ODF2: variants seen among roughly 807,000 people sequenced by gnomAD.
The protein encoded by ODF2 is outer dense fiber protein 2.
ODF2 carries 47 observed loss-of-function variants against 110.2 expected under a neutral mutation model. The ratio of observed to expected loss-of-function variants is 0.43; its 90% CI spans 0.34 to 0.54. The LOEUF is 0.54. Among genes scored for constraint, ODF2 ranks in the 20% least tolerant of loss-of-function variants. The pLI is 0.03. For missense variants in ODF2, 812 were observed against 1,054.5 expected, an observed-to-expected ratio of 0.77 and a Z score of 3.19; for synonymous variants, 352 against 397.7, an observed-to-expected ratio of 0.89 and a Z score of 1.37.
At chr9:128,460,171 G>A in intron 3 of ODF2, 1 of 1,299,658 alleles carries the variant, frequency 7.7e-7, no homozygotes, top group Non-Finnish European at 1.0e-6. Flanking sequence ...AGATCACTGT[G>A]TAGAAGGATC....
chr9:128,466,424 G>T (rs1308205101), intron 4 of ODF2, among the ~76,000 whole-genome samples: 2 of 150,250 alleles, frequency 1.3e-5, no homozygotes, highest in Non-Finnish European at 2.9e-5. Flanking sequence ...CCAAAGTTGT[G>T]CTACTGCACT....
At chr9:128,461,984 C>T (rs974299214) in intron 4 of ODF2, among the ~76,000 whole-genome samples, 7 of 152,076 alleles carry the variant, frequency 4.6e-5, no homozygotes, top group African/African-American at 1.7e-4. Flanking sequence ...TGCTGCCTTA[C>T]ATTTTTTACT....
chr9:128,466,554 G>GT (rs1467833690), intron 4 of ODF2, among the ~76,000 whole-genome samples: 1 of 151,278 alleles, frequency 6.6e-6, no homozygotes, highest in Non-Finnish European at 1.5e-5. Flanking sequence ...AGGTACCTGT[G>GT]TAACGATCAC....
chr9:128,457,053 G>A (rs1196276524), intron 1 of ODF2: 1 of 1,303,678 alleles, frequency 7.7e-7, no homozygotes, highest in Non-Finnish European at 9.9e-7. Context: ...CGGCGCCTCA[G>A]GTTTCCCCCG....
At chr9:128,466,838 A>G (rs1366968015) in intron 4 of ODF2, among the ~76,000 whole-genome samples, 11 of 147,734 alleles carry the variant, frequency 7.4e-5, no homozygotes, top group Admixed American at 2.7e-4. Context: ...TTAGCCGGGC[A>G]TGGTGGCGGG....
At position 128,478,733 on chromosome 9, in the gene ODF2, G is replaced by C. The variant is rs551468973; in HGVS notation, c.844-2847G>C. On this transcript the variant is annotated intron_variant, in intron 8 of 20. Coordinates refer to ENST00000604420, the Ensembl canonical transcript of ODF2. ...TAATTTGAATTCCCACCCAAAAGTG[G>C]TGTTTTGTGCTTTGTCCAGGCTCAG... Among the ~76,000 whole-genome samples, 9 of 152,262 alleles carry C rather than the reference G, an allele frequency of 5.9e-5. No individual in the cohort carries two copies. In the East Asian group the frequency reaches 1.7e-3, roughly 29 times the overall value.
chr9:128,488,439 A>G (rs1029093580), intron 14 of ODF2, among the ~76,000 whole-genome samples: 5 of 152,080 alleles, frequency 3.3e-5, no homozygotes, highest in African/African-American at 1.2e-4. Context: ...AAGAAAAGAA[A>G]GCCTGGATTC....
chr9:128,480,284 A>G (rs866309353), intron 8 of ODF2, among the ~76,000 whole-genome samples: 1 of 152,218 alleles, frequency 6.6e-6, no homozygotes, highest in Non-Finnish European at 1.5e-5. Context: ...CAGAAGTAGT[A>G]TACATTTTAA....
intron 9 of ODF2, among the ~76,000 whole-genome samples, chr9:128,482,509 A>G (rs113038837): frequency 1.0e-3 from 154 of 152,210 alleles, no homozygotes; most frequent in African/African-American, 3.6e-3. Flanking sequence ...ATGAGTTTCA[A>G]TGTGCATTAA....
chr9:128,500,330 C>T, exon 21 of ODF2: 1 of 1,485,616 alleles, frequency 6.7e-7, no homozygotes, highest in Non-Finnish European at 9.3e-7. Context: ...GCTGAGAAGC[C>T]TGGTGGTTTT....
chr9:128,490,942 T>A (rs1398356181), intron 14 of ODF2, among the ~76,000 whole-genome samples: 2 of 152,186 alleles, frequency 1.3e-5, no homozygotes, highest in Non-Finnish European at 2.9e-5. Context: ...TTATTTATTT[T>A]TAAAATTTCC....
At chr9:128,484,836 G>A (rs1008126433) in exon 12 of ODF2, 14 of 1,613,950 alleles carry the variant, frequency 8.7e-6, no homozygotes, top group East Asian at 4.5e-5. Flanking sequence ...GGAGCGAGCC[G>A]AGAAGAGCGA....
In ODF2 at chr9:128,494,203, A is replaced by G. The variant is rs1329659723; in HGVS notation, c.1753-307A>G. Among the ~76,000 whole-genome samples, 1 of 152,194 alleles carries G rather than the reference A, an allele frequency of 6.6e-6. No individual in the cohort carries two copies. Among genetic ancestry groups the G allele is most frequent in the East Asian group, 1.9e-4 (1 of 5,204 alleles). ...ACTATACTTGTATGGGGACAGCATCACCTATTTTACAGGTTGTCTGAATTA... is the reference window on the plus strand; with the variant it reads ...ACTATACTTGTATGGGGACAGCATCGCCTATTTTACAGGTTGTCTGAATTA... On this transcript the variant is annotated intron_variant, in intron 16 of 20. Coordinates refer to ENST00000604420, the Ensembl canonical transcript of ODF2. The surrounding 1 kb of genome is among the most constrained non-coding windows in gnomAD (Gnocchi z 4.6).
intron 4 of ODF2, among the ~76,000 whole-genome samples, chr9:128,468,612 T>C (rs915914139): frequency 1.9e-4 from 29 of 152,020 alleles, no homozygotes; most frequent in African/African-American, 6.8e-4. Flanking sequence ...AACCTCTACC[T>C]CCCGGGTTCA....
chr9:128,497,831 GC>G (rs982283363), intron 18 of ODF2: 3 of 152,294 alleles, frequency 2.0e-5, no homozygotes, highest in African/African-American at 7.2e-5. Flanking sequence ...GGAAATGGCA[GC>G]TAGATCCCCC....
intron 8 of ODF2, among the ~76,000 whole-genome samples, chr9:128,481,224 A>C (rs1051899404): frequency 6.6e-6 from 1 of 152,178 alleles, no homozygotes; most frequent in African/African-American, 2.4e-5. Flanking sequence ...TAATCCCAGC[A>C]CTTGGGGAGG....
At chr9:128,474,178 G>T (rs1386068478) in intron 8 of ODF2, among the ~76,000 whole-genome samples, 1 of 152,120 alleles carries the variant, frequency 6.6e-6, no homozygotes, top group Non-Finnish European at 1.5e-5. Context: ...GGCCAACATA[G>T]TGAAACTCCA....
chr9:128,483,987 G>C, exon 11 of ODF2: 1 of 1,613,830 alleles, frequency 6.2e-7, no homozygotes. Context: ...GAGTCCATGC[G>C]TGGGCATTTG....
chr9:128,460,894 G>A (rs764600839), intron 3 of ODF2, 48 bp from the exon 4 acceptor site: 32 of 1,613,008 alleles, frequency 2.0e-5, no homozygotes, highest in Non-Finnish European at 2.4e-5. Context: ...GCGTGGCACC[G>A]TGGCCAGCTG....
Sources: gnomAD v4.1 joint callset for allele counts (sites outside exome capture counted in the v4.1 genomes callset) on GRCh38, gnomAD v4.1.1 for gene constraint, Gnocchi (gnomAD v3.1) non-coding constraint, MANE v1.5 for transcripts, NCBI Gene and HGNC (gene_info 2026-07-23, HGNC 2026-07-21) for gene names.